SPAG17: variants seen among roughly 807,000 people sequenced by gnomAD.
SPAG17 encodes sperm-associated antigen 17.
SPAG17 carries 169 observed loss-of-function variants against 273.6 expected under a neutral mutation model. That is an observed-to-expected ratio of 0.62 (90% CI 0.55 to 0.70). The LOEUF is 0.70. Ranked by LOEUF, SPAG17 falls within the 30% of genes least tolerant of loss-of-function variation. The pLI, the probability that SPAG17 is intolerant of heterozygous loss-of-function variation, is 0.00. For synonymous variants in SPAG17, 825 were observed against 873.2 expected, an observed-to-expected ratio of 0.94 and a Z score of 0.97; for missense variants, 2,557 against 2,627.8, an observed-to-expected ratio of 0.97 and a Z score of 0.59.
At chr1:118,168,431 G>C (rs1459612782) in intron 1 of SPAG17, among the ~76,000 whole-genome samples, 1 of 152,140 alleles carries the variant, frequency 6.6e-6, no homozygotes, top group Admixed American at 6.5e-5. Flanking sequence ...TGGAGATATT[G>C]AATTTAAGTT....
At chr1:118,134,962 C>A (rs1035894567) in intron 3 of SPAG17, among the ~76,000 whole-genome samples, 2 of 152,150 alleles carry the variant, frequency 1.3e-5, no homozygotes, top group South Asian at 4.1e-4. Flanking sequence ...CTCATTGCAC[C>A]TTTTAAAATG....
chr1:118,028,038 T>A (rs539015325), intron 26 of SPAG17, among the ~76,000 whole-genome samples: 1 of 152,316 alleles, frequency 6.6e-6, no homozygotes, highest in Admixed American at 6.5e-5. Context: ...GAAGCCTCGA[T>A]TTCCTTATTT....
chr1:117,995,850 C>T (rs1355247533), intron 34 of SPAG17, among the ~76,000 whole-genome samples: 2 of 151,984 alleles, frequency 1.3e-5, no homozygotes, highest in African/African-American at 4.8e-5. Flanking sequence ...TTATGTATCT[C>T]TAACCTCTGG....
At position 118,081,642 on chromosome 1, in the gene SPAG17, T is replaced by A. The variant is rs1268213986; in HGVS notation, c.1763A>T (p.Asp588Val). The change falls in exon 14 of 49, where the codon GAT (aspartate) becomes GTT (valine). Residue 588 changes from aspartate to valine, a missense_variant and splice_region_variant. Physicochemically the swap from Asp to Val is radical, Grantham distance 152. Coordinates refer to ENST00000336338, the MANE Select transcript of SPAG17 (RefSeq NM_206996.4). ...IHELMHFCTSDVLSWNEVERA... is the reference protein window; with the variant it reads ...IHELMHFCTSVVLSWNEVERA... ...TTCTACTTCATTCCAGCTCAAGACA[T>A]CTGTAAGAAAGCAGAACCAGTGCTG... 3.1e-6 allele frequency: 5 copies of A among 1,613,122 alleles called. No homozygotes were observed. The Admixed American group carries it at 8.3e-5, about 27-fold the overall frequency.
rs139413961 is a variant in SPAG17 at position 118,168,169 on chromosome 1, T to G, written c.88-16800A>C. Among the ~76,000 whole-genome samples the G allele has an allele frequency of 1.3e-3, 191 of 152,220 alleles. 1 individual carries two copies. Among genetic ancestry groups the G allele is most frequent in the African/African-American group, 4.5e-3 (185 of 41,526 alleles). ...GGCTTATATTGATGAATTGAGGAATTGATTATGGGTACAGAAAAAGAGAAA... is the reference window on the plus strand; with the variant it reads ...GGCTTATATTGATGAATTGAGGAATGGATTATGGGTACAGAAAAAGAGAAA... On this transcript the variant is annotated intron_variant, in intron 1 of 48. Coordinates refer to ENST00000336338, the MANE Select transcript of SPAG17 (RefSeq NM_206996.4).
chr1:118,026,218 G>A (rs1216582268), intron 26 of SPAG17, among the ~76,000 whole-genome samples: 1 of 152,118 alleles, frequency 6.6e-6, no homozygotes, highest in African/African-American at 2.4e-5. Flanking sequence ...ACCAAATCCA[G>A]ATTTATCTAG....
chr1:118,103,555 A>G (rs191193038), intron 4 of SPAG17, among the ~76,000 whole-genome samples: 55 of 152,206 alleles, frequency 3.6e-4, no homozygotes, highest in African/African-American at 1.2e-3. Context: ...GGGTCCTAGC[A>G]TTTCTCTCTG....
At chr1:118,087,353 G>T (rs1655078635) in intron 10 of SPAG17, among the ~76,000 whole-genome samples, 2 of 152,168 alleles carry the variant, frequency 1.3e-5, no homozygotes, top group African/African-American at 4.8e-5. Flanking sequence ...GCAGTGGAAA[G>T]AGTGCTCATA....
In SPAG17 at chr1:118,101,875, G is replaced by C. The variant is rs769357421; in HGVS notation, c.499C>G (p.Pro167Ala). The C allele has an allele frequency of 6.2e-7, 1 of 1,613,918 alleles. No homozygotes were observed. The highest frequency in any genetic ancestry group is 1.7e-5 in the Admixed American group (1 of 59,998). The part of the protein sequence containing the change: ...LEKDKGKAKS[P>A]KEKKAPSAKP... Reference sequence around the variant, plus strand: ...GCACTTGGAGCCTTTTTCTCCTTGGGAGATTTTGCTTTCCCTTTATCCTTT... The same window carrying C: ...GCACTTGGAGCCTTTTTCTCCTTGGCAGATTTTGCTTTCCCTTTATCCTTT... Residue 167 changes from proline to alanine, a missense_variant, in exon 5 of 49, where the codon CCC (proline) becomes GCC (alanine). Coordinates refer to ENST00000336338, the MANE Select transcript of SPAG17 (RefSeq NM_206996.4).
intron 1 of SPAG17, among the ~76,000 whole-genome samples, chr1:118,161,022 C>T (rs1161913956): frequency 6.6e-6 from 1 of 152,064 alleles, no homozygotes; most frequent in Non-Finnish European, 1.5e-5. Context: ...CTCAATTCAA[C>T]AAAAATGAGT....
chr1:118,030,702 T>C (rs992969496), intron 25 of SPAG17, among the ~76,000 whole-genome samples: 6 of 152,298 alleles, frequency 3.9e-5, no homozygotes, highest in Non-Finnish European at 8.8e-5. Context: ...TTTGGTTTTC[T>C]GTTCCTGTGT....
intron 1 of SPAG17, among the ~76,000 whole-genome samples, chr1:118,177,755 G>A (rs1181870757): frequency 6.6e-6 from 1 of 152,010 alleles, no homozygotes; most frequent in African/African-American, 2.4e-5. Context: ...TAAGACCACA[G>A]AAATGCAAAG....
At chr1:118,099,299 T>A (rs1655909840) in intron 6 of SPAG17, among the ~76,000 whole-genome samples, 1 of 152,190 alleles carries the variant, frequency 6.6e-6, no homozygotes, top group Admixed American at 6.5e-5. Flanking sequence ...ATCCTTTAGG[T>A]AAAACTTATA....
At chr1:118,111,986 T>G (rs1656789420) in intron 4 of SPAG17, among the ~76,000 whole-genome samples, 1 of 152,152 alleles carries the variant, frequency 6.6e-6, no homozygotes, top group South Asian at 2.1e-4. Flanking sequence ...AAAAGCACAG[T>G]TGGAATATAT....
At chr1:117,973,298 C>G (rs776114589) in intron 44 of SPAG17, 127 bp downstream of exon 44, 1 of 1,276,176 alleles carries the variant, frequency 7.8e-7, no homozygotes, top group Non-Finnish European at 1.1e-6. Context: ...TGGCCGGAAA[C>G]TAATAACTTC....
chr1:118,119,301 G>A (rs1355626452), intron 3 of SPAG17, among the ~76,000 whole-genome samples: 2 of 152,138 alleles, frequency 1.3e-5, no homozygotes, highest in African/African-American at 2.4e-5. Context: ...ATTCAATCTC[G>A]AGTGAATTCT....
At chr1:117,975,828 G>A (rs1381038691) in intron 43 of SPAG17, among the ~76,000 whole-genome samples, 3 of 152,148 alleles carry the variant, frequency 2.0e-5, no homozygotes, top group African/African-American at 4.8e-5. Context: ...TATCCTTGCC[G>A]TATGTGTACT....
In SPAG17 at chr1:117,967,844, G is replaced by A. The variant is rs900114124; in HGVS notation, c.6388-1091C>T. On this transcript the variant is annotated intron_variant, in intron 46 of 48. Coordinates refer to ENST00000336338, the MANE Select transcript of SPAG17 (RefSeq NM_206996.4). ...GAGGTGGGTTAAAAAGCAGACTTGG[G>A]AACAGTTATCTAGAAAAAAATAAAT... Among the ~76,000 whole-genome samples, 6 of 152,072 alleles carry A rather than the reference G, an allele frequency of 3.9e-5. No individual in the cohort carries two copies. In the East Asian group the frequency reaches 7.7e-4, roughly 20 times the overall value.
chr1:118,034,318 G>C (rs544544605), intron 24 of SPAG17, among the ~76,000 whole-genome samples: 2 of 152,218 alleles, frequency 1.3e-5, no homozygotes, highest in Admixed American at 1.3e-4. Flanking sequence ...CCAGAAGAAG[G>C]GTATCTACTG....
Sources: allele counts gnomAD v4.1 joint callset (sites outside exome capture counted in the v4.1 genomes callset), GRCh38; gene constraint gnomAD v4.1.1; transcripts MANE v1.5; gene names NCBI Gene and HGNC (gene_info 2026-07-23, HGNC 2026-07-21).